CERS6: variants seen among roughly 807,000 people sequenced by gnomAD.
The protein encoded by CERS6 is ceramide synthase 6.
In CERS6, 26 loss-of-function variants were observed where a neutral mutation model predicts 56.8. The ratio of observed to expected loss-of-function variants is 0.46; its 90% CI spans 0.34 to 0.63. CERS6 has a LOEUF of 0.63. Ranked by LOEUF, CERS6 falls within the 30% of genes least tolerant of loss-of-function variation. The probability of loss-of-function intolerance (pLI) is 0.01; values close to 1 mark genes in which losing one functional copy is unlikely to be tolerated. For missense variants in CERS6, 415 were observed against 467.5 expected (o/e 0.89, Z 1.04); for synonymous variants, 164 against 173.3 (o/e 0.95, Z 0.42).
intron 1 of CERS6, among the ~76,000 whole-genome samples, chr2:168,466,544 A>G (rs1224666086): frequency 1.3e-5 from 2 of 152,250 alleles, no homozygotes; most frequent in Non-Finnish European, 2.9e-5. Flanking sequence ...TTATAAAAAC[A>G]ATCTGATTAG....
At chr2:168,692,960 A>G (rs1171762308) in intron 5 of CERS6, among the ~76,000 whole-genome samples, 1 of 152,146 alleles carries the variant, frequency 6.6e-6, no homozygotes, top group Non-Finnish European at 1.5e-5. Flanking sequence ...TCGAACAGAC[A>G]TTTAGGTGAA....
At chr2:168,713,752 AC>A (rs1687155778) in intron 6 of CERS6, among the ~76,000 whole-genome samples, 1 of 152,070 alleles carries the variant, frequency 6.6e-6, no homozygotes, top group Non-Finnish European at 1.5e-5. Flanking sequence ...ATGCATATGT[AC>A]CCCCCTGAAT....
chr2:168,525,017 G>C (rs1406922143), intron 1 of CERS6, among the ~76,000 whole-genome samples: 1 of 152,152 alleles, frequency 6.6e-6, no homozygotes, highest in Non-Finnish European at 1.5e-5. Context: ...AAGAAAGTTT[G>C]TCTTTATTCC....
rs73969270 is a variant in CERS6 at position 168,575,925 on chromosome 2, G to A, written c.407+14603G>A. Among the ~76,000 whole-genome samples the A allele has an allele frequency of 8.1e-3, 1,233 of 152,204 alleles. 14 individuals are homozygous for A. The highest frequency in any genetic ancestry group is 0.027 in the African/African-American group (1,130 of 41,532). On this transcript the variant is annotated intron_variant, in intron 3 of 9. Transcript: ENST00000305747. ...GTTCACCTTCATTTAGGAAACCGTG[G>A]ATATTTACTGGGTGACGACTCTATG...
chr2:168,728,652 A>G (rs1683423904), intron 8 of CERS6, among the ~76,000 whole-genome samples: 1 of 151,734 alleles, frequency 6.6e-6, no homozygotes, highest in Admixed American at 6.6e-5. Context: ...AGAAGGGAGA[A>G]CAGAATATGC....
rs61031993 is a variant in CERS6, at chr2:168,559,733, T to TTTTTTTTATATATATATATATA, written c.277-1459_277-1458insTTTTTTTATATATATATATATA. Reference sequence around the variant, plus strand: ...TGCTTGAGCTGCTTTTAGAAAGGTATCATATATATATATATATATATTTCA... The same window carrying TTTTTTTTATATATATATATATA: ...TGCTTGAGCTGCTTTTAGAAAGGTATTTTTTTTATATATATATATATACATATATATATATATATATATTTCA... On this transcript the variant is annotated intron_variant, in intron 2 of 9. Coordinates refer to ENST00000305747, the MANE Select transcript of CERS6 (RefSeq NM_203463.3). Among the ~76,000 whole-genome samples the TTTTTTTTATATATATATATATA allele has an allele frequency of 4.5e-5, 3 of 66,246 alleles. No individual in the cohort carries two copies. In the Admixed American group the frequency reaches 5.4e-4, roughly 12 times the overall value. 43.5% of individuals were successfully genotyped at this position (66,246 alleles called of 152,430 possible).
chr2:168,759,943 C>G (rs1684524105), intron 8 of CERS6, among the ~76,000 whole-genome samples: 1 of 150,676 alleles, frequency 6.6e-6, no homozygotes, highest in South Asian at 2.1e-4. Flanking sequence ...AGGGTACTGT[C>G]TTCCATTTTA....
chr2:168,628,614 G>A (rs1684643348), intron 3 of CERS6, among the ~76,000 whole-genome samples: 1 of 152,142 alleles, frequency 6.6e-6, no homozygotes, highest in African/African-American at 2.4e-5. Context: ...CTAAGATATG[G>A]GGTGGGAGAT....
At chr2:168,581,843 A>G (rs1683418988) in intron 3 of CERS6, among the ~76,000 whole-genome samples, 1 of 152,126 alleles carries the variant, frequency 6.6e-6, no homozygotes, top group Non-Finnish European at 1.5e-5. Flanking sequence ...TTCTTAGGAA[A>G]TATTAAGGAG....
intron 4 of CERS6, among the ~76,000 whole-genome samples, chr2:168,650,457 T>C (rs1421565195): frequency 6.6e-6 from 1 of 152,216 alleles, no homozygotes; most frequent in Admixed American, 6.5e-5. Context: ...TCATCAATTG[T>C]TAAATCCTTT....
At chr2:168,568,377 C>G (rs1326629216) in intron 3 of CERS6, among the ~76,000 whole-genome samples, 7 of 152,170 alleles carry the variant, frequency 4.6e-5, no homozygotes, top group Non-Finnish European at 8.8e-5. Flanking sequence ...AACCTATGTA[C>G]TATTTCTTGT....
intron 8 of CERS6, among the ~76,000 whole-genome samples, chr2:168,743,437 C>A (rs933423751): frequency 2.0e-5 from 3 of 152,044 alleles, no homozygotes; most frequent in Non-Finnish European, 4.4e-5. Context: ...GCATTCAAGA[C>A]CAGCCTGAGC....
At chr2:168,734,691 A>G (rs934434989) in intron 8 of CERS6, among the ~76,000 whole-genome samples, 3 of 152,240 alleles carry the variant, frequency 2.0e-5, no homozygotes, top group African/African-American at 7.2e-5. Context: ...AACAGTGATG[A>G]TGAACTCATT....
At chr2:168,734,803 G>A (rs1218885487) in intron 8 of CERS6, among the ~76,000 whole-genome samples, 6 of 152,066 alleles carry the variant, frequency 3.9e-5, no homozygotes, top group Non-Finnish European at 8.8e-5. Context: ...AGCACATTTT[G>A]GAAATAATTC....
chr2:168,760,381 G>A (rs1444768058), intron 8 of CERS6, among the ~76,000 whole-genome samples: 2 of 152,144 alleles, frequency 1.3e-5, no homozygotes, highest in Non-Finnish European at 2.9e-5. Flanking sequence ...GTTTCTGCCT[G>A]CTTTATATTT....
chr2:168,522,088 CTTTG>C (rs1351127017), intron 1 of CERS6, among the ~76,000 whole-genome samples: 1 of 151,960 alleles, frequency 6.6e-6, no homozygotes, highest in Non-Finnish European at 1.5e-5. Context: ...ATTTTTGTGA[CTTTG>C]TTTGGTTTTG....
intron 1 of CERS6, among the ~76,000 whole-genome samples, chr2:168,469,670 A>C (rs1332086491): frequency 6.6e-6 from 1 of 152,116 alleles, no homozygotes; most frequent in Non-Finnish European, 1.5e-5. Flanking sequence ...AAATTGGTTA[A>C]AAGTTAGTCT....
chr2:168,733,743 G>A (rs942670510), intron 8 of CERS6, among the ~76,000 whole-genome samples: 1 of 152,238 alleles, frequency 6.6e-6, no homozygotes, highest in Non-Finnish European at 1.5e-5. Flanking sequence ...CTGGAAACAT[G>A]ATGATGGTAG....
At chr2:168,704,208 G>A (rs964839014) in intron 6 of CERS6, among the ~76,000 whole-genome samples, 2 of 152,124 alleles carry the variant, frequency 1.3e-5, no homozygotes, top group Non-Finnish European at 2.9e-5. Flanking sequence ...GCCACATACT[G>A]TAATTCAGGG....
Sources: gnomAD v4.1 joint callset for allele counts (sites outside exome capture counted in the v4.1 genomes callset) on GRCh38, gnomAD v4.1.1 for gene constraint, MANE v1.5 for transcripts, NCBI Gene and HGNC (gene_info 2026-07-23, HGNC 2026-07-21) for gene names.